The following SUPT3H variants were observed in gnomAD, a reference collection of about 807,000 sequenced individuals.
SUPT3H encodes the protein transcription initiation protein SPT3 homolog.
A neutral mutation model predicts 44.3 loss-of-function variants in SUPT3H; 44 were observed. That is an observed-to-expected ratio of 0.99 (90% CI 0.78 to 1.28). The LOEUF is 1.28. SUPT3H is among the 50% of genes most tolerant of loss of function. The probability of loss-of-function intolerance (pLI) is 0.00; values close to 1 mark genes in which losing one functional copy is unlikely to be tolerated. For synonymous variants in SUPT3H, 124 were observed against 125.6 expected, an observed-to-expected ratio of 0.99 and a Z score of 0.09; for missense variants, 380 against 387.1, an observed-to-expected ratio of 0.98 and a Z score of 0.15.
intron 2 of SUPT3H, among the ~76,000 whole-genome samples, chr6:45,332,194 T>C (rs1418802155): frequency 1.3e-5 from 2 of 151,888 alleles, no homozygotes; most frequent in Admixed American, 1.3e-4. Context: ...AGACATTCTG[T>C]ATCACAACTT....
chr6:44,921,081 A>G (rs528454737), intron 10 of SUPT3H, among the ~76,000 whole-genome samples: 11 of 152,142 alleles, frequency 7.2e-5, no homozygotes, highest in Non-Finnish European at 1.5e-4. Context: ...CCTTTGCTAT[A>G]TTTGGATAAC....
At chr6:45,195,085 T>C (rs200256427) in intron 2 of SUPT3H, among the ~76,000 whole-genome samples, 75 of 55,364 alleles carry the variant, frequency 1.4e-3, no homozygotes, top group African/African-American at 3.8e-3. Flanking sequence ...TAAAAAACAA[T>C]GAATTGGCAC....
intron 3 of SUPT3H, chr6:45,098,923 C>A: frequency 1.9e-6 from 1 of 518,858 alleles, no homozygotes; most frequent in East Asian, 5.2e-5. Flanking sequence ...GGGAAGATCC[C>A]AAGCATCCAG....
chr6:45,123,380 T>A (rs1316728283), intron 2 of SUPT3H, among the ~76,000 whole-genome samples: 1 of 151,468 alleles, frequency 6.6e-6, no homozygotes, highest in Non-Finnish European at 1.5e-5. Context: ...ATTTCTTTTT[T>A]TTTTTTTTCC....
chr6:45,070,932 A>G (rs1244596772), intron 3 of SUPT3H, among the ~76,000 whole-genome samples: 1 of 152,144 alleles, frequency 6.6e-6, no homozygotes, highest in Non-Finnish European at 1.5e-5. Context: ...CCGAGCCGCA[A>G]AACAAATTCC....
chr6:45,254,850 C>T (rs1773061932), intron 2 of SUPT3H, among the ~76,000 whole-genome samples: 1 of 152,082 alleles, frequency 6.6e-6, no homozygotes, highest in East Asian at 1.9e-4. Context: ...AATTGTGTGC[C>T]ATTCGGAGCA....
Position 44,898,196 on chromosome 6 carries a change from C to A in SUPT3H, c.912+34457G>T, listed in dbSNP as rs114605214. On this transcript the variant is annotated intron_variant, in intron 10 of 10. Transcript: ENST00000371459. ...ATCCTTCTTAAGGTATGGTGGTAGC[C>A]AGCTTCCAGATGGTACCTGACAATT... Among the ~76,000 whole-genome samples the A allele has an allele frequency of 7.6e-3, 1,151 of 152,238 alleles. 21 individuals are homozygous for A. The highest frequency in any genetic ancestry group is 0.026 in the African/African-American group (1,087 of 41,540).
intron 3 of SUPT3H, among the ~76,000 whole-genome samples, chr6:45,087,894 T>TCG (rs1339910545): frequency 6.6e-6 from 1 of 151,964 alleles, no homozygotes; most frequent in Admixed American, 6.6e-5. Flanking sequence ...AACATAGAAG[T>TCG]CGCCACTAAA....
intron 2 of SUPT3H, among the ~76,000 whole-genome samples, chr6:45,192,772 C>T (rs1305567305): frequency 6.6e-6 from 1 of 152,070 alleles, no homozygotes; most frequent in Non-Finnish European, 1.5e-5. Flanking sequence ...CATCACACCA[C>T]ACTAAAGCAG....
Position 45,157,118 on chromosome 6 carries a change from T to C in SUPT3H, c.102-51112A>G, listed in dbSNP as rs114061486. On this transcript the variant is annotated intron_variant, in intron 2 of 10. Coordinates refer to ENST00000371459, the MANE Select transcript of SUPT3H (RefSeq NM_003599.4). ...AAACACTGGTGAAATCTTCCCATCC[T>C]TTTTTTAACTTCACAAATGTATTCA... Among the ~76,000 whole-genome samples the C allele has an allele frequency of 5.3e-3, 808 of 152,238 alleles. 8 individuals are homozygous for C. The highest frequency in any genetic ancestry group is 0.018 in the African/African-American group (754 of 41,568).
intron 11 of SUPT3H, among the ~76,000 whole-genome samples, chr6:44,813,912 A>G (rs1410074250): frequency 2.6e-5 from 4 of 152,122 alleles, no homozygotes; most frequent in African/African-American, 9.7e-5. Flanking sequence ...AGAAGACATA[A>G]AGAAATATTT....
At chr6:44,891,146 C>T (rs940385179) in intron 10 of SUPT3H, among the ~76,000 whole-genome samples, 12 of 151,960 alleles carry the variant, frequency 7.9e-5, no homozygotes, top group African/African-American at 2.4e-4. Flanking sequence ...AGAAGAAGAC[C>T]TCTTAAGAAG....
At position 45,168,014 on chromosome 6, in the gene SUPT3H, T is replaced by A. The variant is rs150240730; in HGVS notation, c.102-62008A>T. 7.6e-3 allele frequency among the ~76,000 whole-genome samples: 1,152 copies of A among 152,180 alleles called. 20 individuals carry two copies. Among genetic ancestry groups the A allele is most frequent in the African/African-American group, 0.026 (1,092 of 41,516 alleles). ...TTAGTAGAGACGGGGTTTCTCTATG[T>A]TGGTCAGGCTGGTCTCGAACTTCCG... On this transcript the variant is annotated intron_variant, in intron 2 of 10. Coordinates refer to ENST00000371459, the MANE Select transcript of SUPT3H (RefSeq NM_003599.4).
chr6:45,059,455 T>C (rs188032089), intron 3 of SUPT3H, among the ~76,000 whole-genome samples: 1 of 152,214 alleles, frequency 6.6e-6, no homozygotes, highest in Admixed American at 6.5e-5. Flanking sequence ...ATAAGAGCCA[T>C]ATATAAGAAA....
intron 3 of SUPT3H, among the ~76,000 whole-genome samples, chr6:45,043,169 A>G (rs572015646): frequency 0.018 from 2,710 of 151,082 alleles, 46 homozygotes; most frequent in South Asian, 0.084. Context: ...ACACACACAC[A>G]CGCACACACA....
intron 2 of SUPT3H, among the ~76,000 whole-genome samples, chr6:45,206,337 T>C (rs1352472882): frequency 1.3e-5 from 2 of 152,092 alleles, no homozygotes; most frequent in African/African-American, 2.4e-5. Flanking sequence ...AGGTCTTCAA[T>C]GATGAGGAGA....
intron 2 of SUPT3H, among the ~76,000 whole-genome samples, chr6:45,156,714 C>T (rs1807880756): frequency 6.6e-6 from 1 of 151,448 alleles, no homozygotes; most frequent in African/African-American, 2.4e-5. Flanking sequence ...AAAATGTCCC[C>T]ATTCTATATT....
chr6:44,861,142 A>G (rs1446036191), intron 10 of SUPT3H, among the ~76,000 whole-genome samples: 2 of 152,116 alleles, frequency 1.3e-5, no homozygotes, highest in East Asian at 3.9e-4. Context: ...GGAGTGTAGT[A>G]GCACGATCAC....
At chr6:45,088,697 C>A (rs1396220371) in intron 3 of SUPT3H, among the ~76,000 whole-genome samples, 4 of 151,936 alleles carry the variant, frequency 2.6e-5, no homozygotes, top group Non-Finnish European at 5.9e-5. Flanking sequence ...TCAGGGGAGT[C>A]ACATCTAGAA....
Sources: gnomAD v4.1 joint callset for allele counts (sites outside exome capture counted in the v4.1 genomes callset) on GRCh38, gnomAD v4.1.1 for gene constraint, MANE v1.5 for transcripts, NCBI Gene and HGNC (gene_info 2026-07-23, HGNC 2026-07-21) for gene names.